Variants in RGS6 observed in about 807,000 individuals in gnomAD.
RGS6 encodes the protein regulator of G protein signaling 6.
In RGS6, 30 loss-of-function variants were observed where a neutral mutation model predicts 78.5. That is an observed-to-expected ratio of 0.38 (90% CI 0.29 to 0.52). The LOEUF (loss-of-function observed/expected upper bound fraction) is 0.52. RGS6 is among the 20% of genes least tolerant of loss of function. RGS6 has a pLI of 0.85. For missense variants in RGS6, 495 were observed against 609.7 expected, an observed-to-expected ratio of 0.81 and a Z score of 1.98; for synonymous variants, 206 against 206.0, an observed-to-expected ratio of 1.00 and a Z score of 0.00.
intron 2 of RGS6, among the ~76,000 whole-genome samples, chr14:72,252,053 ATG>A (rs1281170440): frequency 6.6e-6 from 1 of 152,192 alleles, no homozygotes; most frequent in Admixed American, 6.5e-5. Context: ...ATTAAAAAGA[ATG>A]TGTTAGACTA....
the RGS6 span, among the ~76,000 whole-genome samples, chr14:71,917,969 C>T: frequency 6.6e-6 from 1 of 151,798 alleles, no homozygotes; most frequent in Non-Finnish European, 1.5e-5. Flanking sequence ...GTCAGGAGAT[C>T]GAGACCATCC....
At chr14:72,093,790 C>G (rs2153507664) in intron 2 of RGS6, among the ~76,000 whole-genome samples, 1 of 152,232 alleles carries the variant, frequency 6.6e-6, no homozygotes, top group East Asian at 1.9e-4. Context: ...CGTGAGCAAG[C>G]ATTCTACTTG....
chr14:72,423,703 A>G (rs906798898), intron 3 of RGS6, among the ~76,000 whole-genome samples: 2 of 152,176 alleles, frequency 1.3e-5, no homozygotes, highest in African/African-American at 4.8e-5. Context: ...CGAGGGGTGA[A>G]AAACAACCAG....
intron 2 of RGS6, among the ~76,000 whole-genome samples, chr14:71,985,207 G>A (rs1194026942): frequency 6.6e-6 from 1 of 151,798 alleles, no homozygotes; most frequent in African/African-American, 2.4e-5. Flanking sequence ...CACTGCAACC[G>A]CCGCCTCCTA....
rs1223915606 is a variant in RGS6 at position 72,396,119 on chromosome 14, C to T, written c.184+43925C>T. ...TGAGGAATCGCCACACCAACTTCCA[C>T]AATGGTTGAACTAGTTTACAGTCCC... On this transcript the variant is annotated intron_variant, in intron 3 of 17. Transcript: ENST00000553525. Among the ~76,000 whole-genome samples, 3 of 152,226 alleles carry T rather than the reference C, an allele frequency of 2.0e-5. No homozygotes were observed. In the East Asian group the frequency reaches 5.8e-4, roughly 29 times the overall value.
intron 2 of RGS6, among the ~76,000 whole-genome samples, chr14:72,303,428 G>A (rs898272661): frequency 6.6e-6 from 1 of 152,190 alleles, no homozygotes; most frequent in African/African-American, 2.4e-5. Context: ...TTGAACCCAG[G>A]AGGTGGAGGT....
intron 2 of RGS6, among the ~76,000 whole-genome samples, chr14:72,174,359 A>G (rs1295521054): frequency 1.3e-5 from 2 of 152,092 alleles, no homozygotes; most frequent in African/African-American, 2.4e-5. Context: ...TGGCCACCCA[A>G]AGTGCTGGGA....
At chr14:72,252,517 A>G (rs1441779536) in intron 2 of RGS6, among the ~76,000 whole-genome samples, 3 of 152,224 alleles carry the variant, frequency 2.0e-5, no homozygotes, top group Non-Finnish European at 2.9e-5. Context: ...TAAAGCCAGC[A>G]TGTCTGCTCC....
At chr14:71,953,393 C>T (rs777563742) in intron 1 of RGS6, among the ~76,000 whole-genome samples, 3 of 152,102 alleles carry the variant, frequency 2.0e-5, no homozygotes, top group African/African-American at 4.8e-5. Context: ...AATAAGTAAA[C>T]AAATGGGCAT....
chr14:72,252,603 A>G (rs1446587635), intron 2 of RGS6, among the ~76,000 whole-genome samples: 10 of 152,144 alleles, frequency 6.6e-5, no homozygotes, highest in South Asian at 2.1e-4. Flanking sequence ...GTCATTCACA[A>G]TTTTCTCAAA....
Position 72,518,498 on chromosome 14 carries a change from T to A in RGS6, c.1239T>A (p.Asn413Lys). ...DSHSYEITSQ[N>K]VKDGGRYTFE... ...ACAGCTATGAGATAACCAGTCAAAATGTCAAAGATGGAGGGAGATATACAT... is the reference window on the plus strand; with the variant it reads ...ACAGCTATGAGATAACCAGTCAAAAAGTCAAAGATGGAGGGAGATATACAT... Residue 413 changes from asparagine to lysine, a missense_variant, in exon 15 of 18, where the codon AAT (asparagine) becomes AAA (lysine). Asn to Lys is a moderately conservative substitution (Grantham distance 94). Transcript: ENST00000553525. 1.9e-6 allele frequency: 3 copies of A among 1,614,184 alleles called. No homozygotes were observed. Among genetic ancestry groups the A allele is most frequent in the Non-Finnish European group, 2.5e-6 (3 of 1,180,028 alleles).
intron 2 of RGS6, among the ~76,000 whole-genome samples, chr14:72,313,148 C>T (rs941986506): frequency 6.6e-6 from 1 of 152,164 alleles, no homozygotes; most frequent in Non-Finnish European, 1.5e-5. Context: ...TTGGGGATAG[C>T]GTCCTACCAT....
chr14:71,890,358 CAGAG>C, the RGS6 span, among the ~76,000 whole-genome samples: 78 of 133,094 alleles, frequency 5.9e-4, no homozygotes, highest in Middle Eastern at 7.5e-3. Flanking sequence ...GTGCATAAGA[CAGAG>C]AGAGAGAGAG....
At chr14:72,033,483 C>G (rs1267564292) in intron 2 of RGS6, among the ~76,000 whole-genome samples, 3 of 152,084 alleles carry the variant, frequency 2.0e-5, no homozygotes. Context: ...GGTCCTCTTG[C>G]CTTAGCCTCT....
intron 14 of RGS6, chr14:72,513,941 G>C (rs1042394786): frequency 6.6e-6 from 1 of 152,214 alleles, no homozygotes; most frequent in Non-Finnish European, 1.5e-5. Flanking sequence ...ACACAGTGGG[G>C]CACCAGGTTC....
At chr14:72,168,799 G>A (rs573568111) in intron 2 of RGS6, among the ~76,000 whole-genome samples, 6 of 152,312 alleles carry the variant, frequency 3.9e-5, no homozygotes, top group Admixed American at 2.6e-4. Context: ...TGCCCTGTGA[G>A]GAGGAGGAGC....
At chr14:71,900,162 C>T in the RGS6 span, among the ~76,000 whole-genome samples, 1 of 152,196 alleles carries the variant, frequency 6.6e-6, no homozygotes, top group Non-Finnish European at 1.5e-5. Flanking sequence ...TGTCCCTACT[C>T]TGCTTTAAAA....
At chr14:71,939,047 G>A (rs2090054377) in intron 1 of RGS6, among the ~76,000 whole-genome samples, 1 of 152,138 alleles carries the variant, frequency 6.6e-6, no homozygotes, top group African/African-American at 2.4e-5. Flanking sequence ...TAGCAGCCTG[G>A]ACCTGTTGCA....
At chr14:72,253,547 G>T (rs1320406770) in intron 2 of RGS6, among the ~76,000 whole-genome samples, 1 of 152,244 alleles carries the variant, frequency 6.6e-6, no homozygotes, top group Non-Finnish European at 1.5e-5. Flanking sequence ...GTATGGCTAT[G>T]TGCCAATAAA....
Sources: allele counts gnomAD v4.1 joint callset (sites outside exome capture counted in the v4.1 genomes callset), GRCh38; gene constraint gnomAD v4.1.1; transcripts MANE v1.5; gene names NCBI Gene and HGNC (gene_info 2026-07-23, HGNC 2026-07-21).